RBM46: variants seen among roughly 807,000 people sequenced by gnomAD.
The protein encoded by RBM46 is probable RNA-binding protein 46.
In RBM46, 12 loss-of-function variants were observed where a neutral mutation model predicts 43.3. That is an observed-to-expected ratio of 0.28 (90% CI 0.18 to 0.45). The LOEUF is 0.45. Ranked by LOEUF, RBM46 falls within the 20% of genes least tolerant of loss-of-function variation. RBM46 has a pLI of 1.00. For synonymous variants in RBM46, 205 were observed against 207.6 expected, an observed-to-expected ratio of 0.99 and a Z score of 0.11; for missense variants, 412 against 639.1, an observed-to-expected ratio of 0.64 and a Z score of 3.83.
intron 4 of RBM46, among the ~76,000 whole-genome samples, chr4:154,807,232 A>C (rs1278908991): frequency 6.6e-6 from 1 of 151,728 alleles, no homozygotes; most frequent in Non-Finnish European, 1.5e-5. Context: ...TTTTGAATGT[A>C]GCAGTTCATA....
At chr4:154,794,156 C>T (rs1257841508) in intron 1 of RBM46, among the ~76,000 whole-genome samples, 1 of 150,818 alleles carries the variant, frequency 6.6e-6, no homozygotes, top group African/African-American at 2.4e-5. Flanking sequence ...TCATCTCTTG[C>T]CTGGATTTTA....
chr4:154,792,153 A>G (rs537215624), intron 1 of RBM46, among the ~76,000 whole-genome samples: 7 of 152,332 alleles, frequency 4.6e-5, no homozygotes, highest in African/African-American at 7.2e-5. Flanking sequence ...TTTGAATACC[A>G]TATTTACCTT....
chr4:154,799,755 C>CTTTTTTTTTTTTTTTTTTTTT (rs35629123), intron 4 of RBM46, among the ~76,000 whole-genome samples, 191 bp downstream of exon 4: 4 of 114,660 alleles, frequency 3.5e-5, no homozygotes, highest in Non-Finnish European at 5.2e-5. Context: ...TTTAGCTTTT[C>CTTTTTTTTTTTTTTTTTTTTT]TTTTTTTTTT....
chr4:154,799,218 T>C lies in RBM46; in HGVS notation c.1056T>C (p.Ala352=), dbSNP rs147420234. Residue 352 remains alanine (A), a synonymous_variant, in exon 4 of 5, where the codon GCT becomes GCC. Transcript: ENST00000281722. Reference sequence around the variant, plus strand: ...TAGGCAAGCTGCCAACTCTTCCTGCTCGTCTCAATGGTCAGCATAGCCCAA... The same window carrying C: ...TAGGCAAGCTGCCAACTCTTCCTGCCCGTCTCAATGGTCAGCATAGCCCAA... ...KTLGKLPTLP[A]RLNGQHSPSP... 2 of 1,614,200 alleles carry C rather than the reference T, an allele frequency of 1.2e-6. No homozygotes were observed. Among genetic ancestry groups the C allele is most frequent in the Non-Finnish European group, 1.7e-6 (2 of 1,180,034 alleles).
intron 1 of RBM46, among the ~76,000 whole-genome samples, chr4:154,787,605 T>C (rs1290625900): frequency 6.6e-6 from 1 of 152,158 alleles, no homozygotes. Context: ...GGGGTTGGTG[T>C]GAAGTCTTTG....
At chr4:154,792,660 G>T (rs1217892182) in intron 1 of RBM46, among the ~76,000 whole-genome samples, 1 of 152,160 alleles carries the variant, frequency 6.6e-6, no homozygotes, top group Non-Finnish European at 1.5e-5. Context: ...ATTTAGAGTT[G>T]AGAGGGAGGG....
At chr4:154,806,702 A>G (rs1734924376) in intron 4 of RBM46, among the ~76,000 whole-genome samples, 1 of 151,926 alleles carries the variant, frequency 6.6e-6, no homozygotes, top group Admixed American at 6.6e-5. Context: ...TTTTATTTGC[A>G]TAATGACAAC....
chr4:154,824,067 CATT>C (rs1319405284), intron 4 of RBM46, among the ~76,000 whole-genome samples: 1 of 150,866 alleles, frequency 6.6e-6, no homozygotes, highest in Non-Finnish European at 1.5e-5. Context: ...TTTCTATAAT[CATT>C]ATGTCAGAGC....
chr4:154,790,003 G>T (rs980158168), intron 1 of RBM46, among the ~76,000 whole-genome samples: 3 of 152,164 alleles, frequency 2.0e-5, no homozygotes, highest in East Asian at 3.9e-4. Flanking sequence ...TTGTATTTCT[G>T]TGAGATCGAT....
chr4:154,823,857 G>A (rs1476856981), intron 4 of RBM46, among the ~76,000 whole-genome samples: 1 of 151,932 alleles, frequency 6.6e-6, no homozygotes, highest in Non-Finnish European at 1.5e-5. Context: ...GGCATAAGTT[G>A]TCACTCGCTT....
chr4:154,824,941 G>C (rs377392974), intron 4 of RBM46, among the ~76,000 whole-genome samples: 2 of 152,042 alleles, frequency 1.3e-5, no homozygotes, highest in African/African-American at 4.8e-5. Flanking sequence ...TTTATATCTT[G>C]TTTTGAGTAT....
intron 4 of RBM46, among the ~76,000 whole-genome samples, chr4:154,812,311 C>T (rs1735218645): frequency 6.6e-6 from 1 of 152,138 alleles, no homozygotes; most frequent in Non-Finnish European, 1.5e-5. Context: ...GGCCCATGTA[C>T]CAGACCCCAC....
intron 1 of RBM46, among the ~76,000 whole-genome samples, chr4:154,782,827 G>A (rs1267456286): frequency 2.0e-5 from 3 of 152,182 alleles, no homozygotes; most frequent in Non-Finnish European, 4.4e-5. Flanking sequence ...TTTTGTGTTT[G>A]AGAATGGCGT....
rs150439315 is a variant in RBM46 at position 154,785,965 on chromosome 4, TCAAA to T, written c.-12+4532_-12+4535del. Among the ~76,000 whole-genome samples, 193 of 152,170 alleles carry T rather than the reference TCAAA, an allele frequency of 1.3e-3. 2 individuals are homozygous for T. The highest frequency in any genetic ancestry group is 1.6e-3 in the Admixed American group (25 of 15,282). On this transcript the variant is annotated intron_variant, in intron 1 of 4. Coordinates refer to ENST00000281722, the MANE Select transcript of RBM46 (RefSeq NM_144979.5). ...GATGGTTTAATGGCAAAACCTAGAG[TCAAA>T]CAGTGTTGAGAAAGGTGGTTATATC...
At position 154,814,802 on chromosome 4, in the gene RBM46, C is replaced by T. The variant is rs575434442; in HGVS notation, c.1403-13066C>T. ...TCATAATTATACATTATCAACTTCT[C>T]CTTTATATATATCACTGGCAGGTTT... On this transcript the variant is annotated intron_variant, in intron 4 of 4. Coordinates refer to ENST00000281722, the MANE Select transcript of RBM46 (RefSeq NM_144979.5). Among the ~76,000 whole-genome samples the T allele has an allele frequency of 4.0e-5, 6 of 151,890 alleles. No homozygotes were observed. The South Asian group carries it at 1.2e-3, about 32-fold the overall frequency.
chr4:154,821,751 A>G (rs1249916170), intron 4 of RBM46, among the ~76,000 whole-genome samples: 1 of 151,666 alleles, frequency 6.6e-6, no homozygotes, highest in Non-Finnish European at 1.5e-5. Context: ...TTTGTTTTTA[A>G]TGTTTTCCCA....
At chr4:154,817,241 T>TAA (rs1365444925) in intron 4 of RBM46, among the ~76,000 whole-genome samples, 1 of 152,070 alleles carries the variant, frequency 6.6e-6, no homozygotes, top group East Asian at 1.9e-4. Context: ...GAGGCCATCT[T>TAA]AGAGTTTTTA....
At chr4:154,789,714 T>C (rs1733979081) in intron 1 of RBM46, among the ~76,000 whole-genome samples, 1 of 152,206 alleles carries the variant, frequency 6.6e-6, no homozygotes, top group Admixed American at 6.5e-5. Context: ...GGATTCCCTC[T>C]TTTTCTATTG....
Position 154,798,952 on chromosome 4 carries a change from G to C in RBM46, c.790G>C (p.Val264Leu), listed in dbSNP as rs1734480353. 1.2e-6 allele frequency: 2 copies of C among 1,613,720 alleles called. No individual in the cohort carries two copies. Among genetic ancestry groups the C allele is most frequent in the South Asian group, 1.1e-5 (1 of 90,986 alleles). Reference protein sequence around the residue: ...AEFNKFKPGAVERVKKLRDYA... With the variant: ...AEFNKFKPGALERVKKLRDYA... ...ATTCAATAAATTTAAGCCTGGTGCA[G>C]TTGAACGGGTAAAGAAACTTAGAGA... The change falls in exon 4 of 5, where the codon GTT becomes CTT. Residue 264 changes from valine (V) to leucine (L), a missense_variant. Physicochemically the swap from Val to Leu is conservative, Grantham distance 32. Transcript: ENST00000281722.
Sources: allele counts gnomAD v4.1 joint callset (sites outside exome capture counted in the v4.1 genomes callset), GRCh38; gene constraint gnomAD v4.1.1; transcripts MANE v1.5; gene names NCBI Gene and HGNC (gene_info 2026-07-23, HGNC 2026-07-21).